Variants in SND1 observed in about 807,000 individuals in gnomAD.
SND1 encodes staphylococcal nuclease domain-containing protein 1.
A neutral mutation model predicts 121.7 loss-of-function variants in SND1; 38 were observed. That is an observed-to-expected ratio of 0.31 (90% CI 0.24 to 0.41). The LOEUF (loss-of-function observed/expected upper bound fraction) is 0.41, where lower values mean the gene tolerates loss of function less well. Ranked by LOEUF, SND1 falls within the 10% of genes least tolerant of loss-of-function variation. The probability of loss-of-function intolerance (pLI) is 1.00; values close to 1 mark genes in which losing one functional copy is unlikely to be tolerated. For missense variants in SND1, 868 were observed against 1,184.6 expected, an observed-to-expected ratio of 0.73 and a Z score of 3.92; for synonymous variants, 401 against 447.4, an observed-to-expected ratio of 0.90 and a Z score of 1.31.
At chr7:127,951,092 G>GTATC (rs1801452211) in intron 15 of SND1, among the ~76,000 whole-genome samples, 1 of 152,180 alleles carries the variant, frequency 6.6e-6, no homozygotes, top group Admixed American at 6.5e-5. Flanking sequence ...AATGAAATCA[G>GTATC]TATCTTGAAC....
intron 15 of SND1, among the ~76,000 whole-genome samples, chr7:127,983,655 A>T (rs1191706803): frequency 6.6e-6 from 1 of 152,094 alleles, no homozygotes; most frequent in African/African-American, 2.4e-5. Context: ...ATTGTGTTGA[A>T]ATTTCAGGGA....
chr7:127,877,246 A>C (rs1159185116), intron 12 of SND1, among the ~76,000 whole-genome samples: 1 of 152,210 alleles, frequency 6.6e-6, no homozygotes, highest in Non-Finnish European at 1.5e-5. Context: ...TTTACTAAGC[A>C]TAACTATTTG....
At chr7:127,914,062 G>A (rs1055262533) in intron 14 of SND1, among the ~76,000 whole-genome samples, 5 of 152,082 alleles carry the variant, frequency 3.3e-5, no homozygotes, top group Admixed American at 3.3e-4. Context: ...AGCAAATGGT[G>A]TTCTCAGGAA....
intron 14 of SND1, among the ~76,000 whole-genome samples, chr7:127,906,434 A>G (rs987779688): frequency 5.9e-5 from 9 of 152,220 alleles, no homozygotes; most frequent in African/African-American, 1.2e-4. Context: ...ATTCTCAACA[A>G]TGCTTTCCTT....
chr7:127,975,390 TG>T (rs1162057111), intron 15 of SND1, among the ~76,000 whole-genome samples: 2 of 149,184 alleles, frequency 1.3e-5, no homozygotes, highest in African/African-American at 5.0e-5. Context: ...CCCTCGTGTG[TG>T]TGTGTGTGTG....
chr7:127,949,284 T>C (rs1437418330), intron 15 of SND1: 1 of 152,244 alleles, frequency 6.6e-6, no homozygotes, highest in East Asian at 1.9e-4. Flanking sequence ...TTGTTTTCCC[T>C]GAACCCTTAA....
intron 6 of SND1, 123 bp downstream of exon 6, chr7:127,702,649 T>C: frequency 1.4e-6 from 1 of 739,862 alleles, no homozygotes; most frequent in Admixed American, 2.2e-5. Flanking sequence ...ACATTGACTT[T>C]ATACTTGTTT....
intron 1 of SND1, among the ~76,000 whole-genome samples, chr7:127,685,076 C>A (rs367579188): frequency 2.6e-5 from 4 of 152,046 alleles, no homozygotes; most frequent in African/African-American, 9.7e-5. Context: ...ACATGGATTC[C>A]AAGGTTCTGG....
chr7:128,092,044 G>A lies in SND1; in HGVS notation c.2719G>A (p.Gly907Ser). ...TCGAGCTGATGATGCAGACGAATTT[G>A]GCTACAGCCGCTAAGGAGGGGATCG... ...DFRADDADEFGYSR is the reference protein window; with the variant it reads ...DFRADDADEFSYSR The change falls in exon 24 of 24, where the codon GGC (glycine) becomes AGC (serine). Residue 907 changes from glycine (G) to serine (S), a missense_variant. Gly to Ser is a moderately conservative substitution (Grantham distance 56). This residue lies in a region of SND1 where 743 missense variants were observed against 1,071.3 expected (regional missense o/e 0.69). Transcript: ENST00000354725. This position sits in a 1 kb window ranked among gnomAD's most constrained non-coding sequence, Gnocchi z 4.9. 6.2e-7 allele frequency: 1 copy of A among 1,614,052 alleles called. No homozygotes were observed. Among genetic ancestry groups the A allele is most frequent in the Non-Finnish European group, 8.5e-7 (1 of 1,179,910 alleles).
At chr7:128,084,629 C>A (rs1217451588) in intron 18 of SND1, 95 bp from the exon 19 acceptor site, 6 of 1,384,100 alleles carry the variant, frequency 4.3e-6, no homozygotes, top group Non-Finnish European at 5.8e-6. Flanking sequence ...CAGAATTTTA[C>A]ATTGAGCTCC....
intron 15 of SND1, among the ~76,000 whole-genome samples, chr7:127,969,910 G>A (rs1368423297): frequency 6.6e-6 from 1 of 152,028 alleles, no homozygotes; most frequent in African/African-American, 2.4e-5. Flanking sequence ...ACCTATCTTT[G>A]CCTTAGTTTA....
At chr7:128,041,313 G>A (rs1226526771) in intron 16 of SND1, among the ~76,000 whole-genome samples, 1 of 152,102 alleles carries the variant, frequency 6.6e-6, no homozygotes, top group African/African-American at 2.4e-5. Context: ...GAGGTGGAGG[G>A]CAGCGCAGCA....
At chr7:127,977,893 A>T (rs1328179816) in intron 15 of SND1, among the ~76,000 whole-genome samples, 3 of 152,216 alleles carry the variant, frequency 2.0e-5, no homozygotes, top group African/African-American at 4.8e-5. Context: ...GAGGATGGTC[A>T]TGCTGGAGCC....
intron 15 of SND1, among the ~76,000 whole-genome samples, chr7:127,979,037 C>T (rs542680425): frequency 1.2e-4 from 18 of 151,990 alleles, no homozygotes; most frequent in African/African-American, 3.6e-4. Flanking sequence ...AGCGTGTTGG[C>T]GAGCTTTTTC....
At chr7:127,716,193 T>C (rs1433693496) in intron 9 of SND1, among the ~76,000 whole-genome samples, 1 of 152,156 alleles carries the variant, frequency 6.6e-6, no homozygotes, top group Non-Finnish European at 1.5e-5. Flanking sequence ...CTATTCAGGG[T>C]CTCTTGAGAT....
intron 13 of SND1, among the ~76,000 whole-genome samples, chr7:127,890,794 A>T (rs944184032): frequency 1.3e-5 from 2 of 152,146 alleles, no homozygotes; most frequent in African/African-American, 4.8e-5. Context: ...TCTAGTGCTT[A>T]TTTTGTGCAG....
Position 127,796,003 on chromosome 7 carries a change from G to A in SND1, c.1153-11481G>A, listed in dbSNP as rs73457853. ...CTCCCTAGTAGCTGGGACTACGGGC[G>A]CCCATCACCACTACCAGCTAATTTT... is the stretch of plus-strand genomic sequence containing the variant. On this transcript the variant is annotated intron_variant, in intron 10 of 23. Transcript: ENST00000354725. 3.3e-3 allele frequency among the ~76,000 whole-genome samples: 497 copies of A among 152,054 alleles called. 2 individuals carry two copies. Among genetic ancestry groups the A allele is most frequent in the African/African-American group, 0.01 (434 of 41,476 alleles).
intron 15 of SND1, among the ~76,000 whole-genome samples, chr7:127,967,114 GGT>G (rs1442757762): frequency 6.6e-6 from 1 of 152,066 alleles, no homozygotes; most frequent in Non-Finnish European, 1.5e-5. Context: ...AGTCACCCTC[GGT>G]TTCCCCCATG....
chr7:127,836,652 C>T (rs183932791), intron 11 of SND1, among the ~76,000 whole-genome samples: 5 of 152,028 alleles, frequency 3.3e-5, no homozygotes, highest in Admixed American at 1.3e-4. Flanking sequence ...TTACATCTAC[C>T]AGTTATTTGT....
Sources: allele counts gnomAD v4.1 joint callset (sites outside exome capture counted in the v4.1 genomes callset), GRCh38; gene constraint gnomAD v4.1.1; regional missense constraint gnomAD v4.1.1; non-coding constraint Gnocchi (gnomAD v3.1); transcripts MANE v1.5; gene names NCBI Gene and HGNC (gene_info 2026-07-23, HGNC 2026-07-21).